Variants in ADGRL3 observed in about 807,000 individuals in gnomAD.
ADGRL3 encodes calcium-independent alpha-latrotoxin receptor 3.
Under a neutral mutation model 153.5 loss-of-function variants are expected in ADGRL3, and 62 were observed. The observed-to-expected ratio is 0.40, with a 90% CI of 0.33 to 0.50. The LOEUF (loss-of-function observed/expected upper bound fraction) is 0.50, where lower values mean the gene tolerates loss of function less well. Ranked by LOEUF, ADGRL3 falls within the 20% of genes least tolerant of loss-of-function variation. The pLI, the probability that ADGRL3 is intolerant of heterozygous loss-of-function variation, is 0.47. For missense variants in ADGRL3, 1,641 were observed against 1,859.4 expected (o/e 0.88, Z 2.16); for synonymous variants, 710 against 672.5 (o/e 1.06, Z -0.86).
chr4:61,435,478 C>T (rs1422509198), intron 2 of ADGRL3, among the ~76,000 whole-genome samples: 2 of 152,018 alleles, frequency 1.3e-5, no homozygotes, highest in African/African-American at 4.8e-5. Context: ...CAGTACATTT[C>T]TTGATGAATG....
chr4:61,986,654 A>C (rs1236412670), intron 19 of ADGRL3, among the ~76,000 whole-genome samples: 1 of 152,214 alleles, frequency 6.6e-6, no homozygotes, highest in East Asian at 1.9e-4. Context: ...AAAGAGAAGC[A>C]AAACAGATAC....
At chr4:61,272,663 G>C (rs549626084) in intron 1 of ADGRL3, among the ~76,000 whole-genome samples, 1 of 152,132 alleles carries the variant, frequency 6.6e-6, no homozygotes, top group Non-Finnish European at 1.5e-5. Flanking sequence ...TGATTCTGCT[G>C]TTTTATTGAC....
chr4:61,479,735 G>A (rs893966152), intron 2 of ADGRL3, among the ~76,000 whole-genome samples: 6 of 152,184 alleles, frequency 3.9e-5, no homozygotes, highest in Admixed American at 1.3e-4. Flanking sequence ...CCATAATAGT[G>A]TTTGCATAAT....
chr4:61,642,952 CTT>C (rs2093759502), intron 5 of ADGRL3, among the ~76,000 whole-genome samples: 1 of 152,184 alleles, frequency 6.6e-6, no homozygotes, highest in African/African-American at 2.4e-5. Flanking sequence ...TTTGTATCCT[CTT>C]TTATTTCCTT....
At chr4:61,812,090 C>T (rs1250853523) in intron 8 of ADGRL3, among the ~76,000 whole-genome samples, 1 of 152,104 alleles carries the variant, frequency 6.6e-6, no homozygotes, top group Non-Finnish European at 1.5e-5. Flanking sequence ...GTCTTTGCAA[C>T]CAATATGTTA....
At chr4:61,533,532 T>C (rs552870167) in intron 4 of ADGRL3, among the ~76,000 whole-genome samples, 2 of 152,294 alleles carry the variant, frequency 1.3e-5, no homozygotes, top group South Asian at 2.1e-4. Context: ...CTTACCTCAG[T>C]AACTAGAAGA....
At chr4:61,876,908 TAAAA>T (rs33929278) in intron 9 of ADGRL3, among the ~76,000 whole-genome samples, 16 of 135,590 alleles carry the variant, frequency 1.2e-4, no homozygotes, top group Admixed American at 5.1e-4. Flanking sequence ...GCTTTCACTT[TAAAA>T]AAAAAAAAAA....
At chr4:61,764,451 T>G (rs1402634293) in intron 8 of ADGRL3, among the ~76,000 whole-genome samples, 144 of 108,464 alleles carry the variant, frequency 1.3e-3, no homozygotes, top group South Asian at 3.0e-3. Flanking sequence ...GGAGTGGGGG[T>G]CGCAAGGTGC....
chr4:61,500,013 CAT>C lies in ADGRL3; in HGVS notation c.55+2667_55+2668del, dbSNP rs761872114. Among the ~76,000 whole-genome samples the C allele has an allele frequency of 6.0e-3, 679 of 112,836 alleles. 3 individuals carry two copies. The highest frequency in any genetic ancestry group is 0.014 in the South Asian group (44 of 3,132). 74.0% of individuals were successfully genotyped at this position (112,836 alleles called of 152,430 possible). A position where few individuals can be genotyped will look rare whatever the true frequency, so the allele number is the denominator to read the frequency against. On this transcript the variant is annotated intron_variant, in intron 3 of 26. Transcript: ENST00000683033. ...ACACACACACACACACACACACACA[CAT>C]ACACACACAGAAACAGAGAGAGAGA...
intron 1 of ADGRL3, among the ~76,000 whole-genome samples, chr4:61,286,666 T>C (rs753875239): frequency 1.6e-4 from 25 of 151,758 alleles, no homozygotes; most frequent in Non-Finnish European, 2.8e-4. Context: ...TTTTTTTCCT[T>C]TTATATATCG....
At chr4:61,911,169 T>G (rs2098720282) in intron 12 of ADGRL3, among the ~76,000 whole-genome samples, 1 of 152,134 alleles carries the variant, frequency 6.6e-6, no homozygotes, top group Non-Finnish European at 1.5e-5. Context: ...ATGTACCGGA[T>G]GTAGTCATTT....
chr4:61,745,472 A>T (rs570152662), intron 8 of ADGRL3, among the ~76,000 whole-genome samples: 1,843 of 152,268 alleles, frequency 0.012, 16 homozygotes, highest in Non-Finnish European at 0.02. Flanking sequence ...AGGCAGGGTT[A>T]CCCACAAAGG....
At chr4:61,355,583 G>A (rs1031477312) in intron 1 of ADGRL3, among the ~76,000 whole-genome samples, 3 of 151,648 alleles carry the variant, frequency 2.0e-5, no homozygotes, top group Non-Finnish European at 4.4e-5. Context: ...AAATTAAATT[G>A]GTATTTCTAA....
At chr4:61,474,096 A>G (rs561086529) in intron 2 of ADGRL3, among the ~76,000 whole-genome samples, 10 of 152,142 alleles carry the variant, frequency 6.6e-5, no homozygotes, top group Non-Finnish European at 1.3e-4. Context: ...ATGATTAGGC[A>G]GTTCATGCTT....
chr4:61,921,503 C>G (rs2098769071), intron 13 of ADGRL3, among the ~76,000 whole-genome samples: 1 of 152,136 alleles, frequency 6.6e-6, no homozygotes, highest in South Asian at 2.1e-4. Flanking sequence ...ACTGCAACCT[C>G]TGCCTCCCGG....
At chr4:61,962,348 A>C (rs1193245517) in intron 17 of ADGRL3, among the ~76,000 whole-genome samples, 1 of 152,236 alleles carries the variant, frequency 6.6e-6, no homozygotes, top group Non-Finnish European at 1.5e-5. Flanking sequence ...CAAGATATTT[A>C]ACATTGATAC....
chr4:62,044,420 GTT>G, intron 24 of ADGRL3, 31 bp from the exon 25 acceptor site: 1 of 1,377,898 alleles, frequency 7.3e-7, no homozygotes, highest in East Asian at 2.4e-5. Flanking sequence ...TGCATCATGA[GTT>G]CATTTTCTTT....
rs372569743 is a variant in ADGRL3 at position 61,870,205 on chromosome 4, G to A, written c.1481-22451G>A. Among the ~76,000 whole-genome samples, 4 of 152,064 alleles carry A rather than the reference G, an allele frequency of 2.6e-5. No individual in the cohort carries two copies. The South Asian group carries it at 8.3e-4, about 32-fold the overall frequency. On this transcript the variant is annotated intron_variant, in intron 9 of 26. Transcript: ENST00000683033. ...CAAGAAGTTAATGGCAACTCAATGA[G>A]GGAAAGAATAGTAGTCTTTTCAACA...
At chr4:61,770,537 T>C (rs773563754) in intron 8 of ADGRL3, among the ~76,000 whole-genome samples, 2 of 152,218 alleles carry the variant, frequency 1.3e-5, no homozygotes, top group Non-Finnish European at 1.5e-5. Flanking sequence ...AGGACAATTA[T>C]ATTTCCAATG....
Sources: allele counts gnomAD v4.1 joint callset (sites outside exome capture counted in the v4.1 genomes callset), GRCh38; gene constraint gnomAD v4.1.1; transcripts MANE v1.5; gene names NCBI Gene and HGNC (gene_info 2026-07-23, HGNC 2026-07-21).